Variants in MBD5 observed in about 807,000 individuals in gnomAD.
The protein encoded by MBD5 is methyl-CpG binding domain protein 5, also known as methyl-CpG-binding domain protein 5.
MBD5 carries 13 observed loss-of-function variants against 117.3 expected under a neutral mutation model. The observed-to-expected ratio is 0.11, with a 90% CI of 0.07 to 0.18. The LOEUF (loss-of-function observed/expected upper bound fraction) is 0.18, where lower values mean the gene tolerates loss of function less well. Ranked by LOEUF, MBD5 falls within the 10% of genes least tolerant of loss-of-function variation. The probability of loss-of-function intolerance (pLI) is 1.00; values close to 1 mark genes in which losing one functional copy is unlikely to be tolerated. For synonymous variants in MBD5, 727 were observed against 766.4 expected (o/e 0.95, Z 0.85); for missense variants, 1,879 against 2,093.8 (o/e 0.90, Z 2.00).
At chr2:148,047,182 A>G (rs1694556542) in intron 1 of MBD5, among the ~76,000 whole-genome samples, 1 of 152,180 alleles carries the variant, frequency 6.6e-6, no homozygotes, top group African/African-American at 2.4e-5. Flanking sequence ...CTTCTTAGTT[A>G]ATGATGCACT....
Position 148,447,178 on chromosome 2 carries a change from GGAAAGAAAGAAAGAAA to G in MBD5, c.-556-10983_-556-10968del, listed in dbSNP as rs70995316. ...AGGAAAGAAAGGAAGAAAGGAAGAAGGAAAGAAAGAAAGAAAGAAAGAAAGAAAGAAAGAAAGAAAG... is the reference window on the plus strand; with the variant it reads ...AGGAAAGAAAGGAAGAAAGGAAGAAGGAAAGAAAGAAAGAAAGAAAGAAAG... On this transcript the variant is annotated intron_variant, in intron 4 of 13. Transcript: ENST00000642680. Among the ~76,000 whole-genome samples, 429 of 137,748 alleles carry G rather than the reference GGAAAGAAAGAAAGAAA, an allele frequency of 3.1e-3. 2 individuals are homozygous for G. The highest frequency in any genetic ancestry group is 0.012 in the African/African-American group (401 of 34,166). The allele number at this position is 137,748 out of a possible 152,430, so 90.4% of individuals were successfully genotyped here.
chr2:148,334,121 C>T (rs1427297082), intron 3 of MBD5, among the ~76,000 whole-genome samples: 1 of 152,064 alleles, frequency 6.6e-6, no homozygotes, highest in African/African-American at 2.4e-5. Context: ...TTCATAGTCT[C>T]ATCTTTATCT....
chr2:148,162,881 A>G (rs947426131), intron 1 of MBD5, among the ~76,000 whole-genome samples: 1 of 152,246 alleles, frequency 6.6e-6, no homozygotes, highest in South Asian at 2.1e-4. Flanking sequence ...TGGCAAATAA[A>G]TAAGATCCTA....
At chr2:148,166,270 G>A (rs1161365233) in intron 1 of MBD5, among the ~76,000 whole-genome samples, 1 of 151,976 alleles carries the variant, frequency 6.6e-6, no homozygotes, top group East Asian at 1.9e-4. Flanking sequence ...TTGCTTATGA[G>A]GGTTTTATTT....
intron 4 of MBD5, among the ~76,000 whole-genome samples, chr2:148,435,418 T>C (rs1706125774): frequency 6.6e-6 from 1 of 152,172 alleles, no homozygotes; most frequent in Non-Finnish European, 1.5e-5. Flanking sequence ...TTGAGGGACC[T>C]CTTATAAGGC....
intron 1 of MBD5, among the ~76,000 whole-genome samples, chr2:148,099,548 G>A (rs921317875): frequency 3.9e-5 from 6 of 152,118 alleles, no homozygotes; most frequent in Non-Finnish European, 7.4e-5. Flanking sequence ...GTTATCATGA[G>A]GTTCTACAGA....
intron 4 of MBD5, among the ~76,000 whole-genome samples, chr2:148,365,046 C>T (rs1475209698): frequency 1.3e-5 from 2 of 152,192 alleles, no homozygotes; most frequent in African/African-American, 4.8e-5. Flanking sequence ...TTCTTCTCAG[C>T]ACCACATCAC....
intron 1 of MBD5, among the ~76,000 whole-genome samples, chr2:148,033,771 T>C (rs556640121): frequency 2.4e-4 from 37 of 152,306 alleles, no homozygotes; most frequent in African/African-American, 8.7e-4. Context: ...CAGGTGATCT[T>C]GAACTTAATT....
At chr2:148,445,913 G>T (rs112789807) in intron 4 of MBD5, among the ~76,000 whole-genome samples, 1 of 151,412 alleles carries the variant, frequency 6.6e-6, no homozygotes, top group Non-Finnish European at 1.5e-5. Flanking sequence ...TCATGTGTCT[G>T]TTGGCTGCAT....
chr2:148,345,544 T>C (rs1314032661), intron 4 of MBD5, among the ~76,000 whole-genome samples: 1 of 90,430 alleles, frequency 1.1e-5, no homozygotes, highest in Non-Finnish European at 2.2e-5. Flanking sequence ...TATACACATA[T>C]ACACATACAT....
intron 1 of MBD5, among the ~76,000 whole-genome samples, chr2:148,164,120 T>A (rs745514602): frequency 2.1e-4 from 32 of 152,218 alleles, no homozygotes; most frequent in Admixed American, 3.9e-4. Flanking sequence ...ACTAGGTAGC[T>A]AGTAAGAACT....
At chr2:148,215,734 G>A (rs987121169) in intron 2 of MBD5, among the ~76,000 whole-genome samples, 1 of 141,728 alleles carries the variant, frequency 7.1e-6, no homozygotes. Flanking sequence ...TTGCTATATC[G>A]CTGATCTCAA....
intron 2 of MBD5, among the ~76,000 whole-genome samples, chr2:148,188,367 A>G (rs1698720492): frequency 6.6e-6 from 1 of 152,174 alleles, no homozygotes; most frequent in Admixed American, 6.5e-5. Context: ...TATAGCTGAT[A>G]AATCAATAGA....
At position 148,033,045 on chromosome 2, in the gene MBD5, G is replaced by T. The variant is rs1273101580; in HGVS notation, c.-925+11361G>T. 2.0e-5 allele frequency among the ~76,000 whole-genome samples: 3 copies of T among 151,956 alleles called. No individual in the cohort carries two copies. In the East Asian group the frequency reaches 5.8e-4, roughly 29 times the overall value. On this transcript the variant is annotated intron_variant, in intron 1 of 13. Transcript: ENST00000642680. The stretch of plus-strand genomic sequence containing the variant: ...AGAGATTCTAACAAATGATGGTGAG[G>T]GACACATTCAGCTGGACAGCTTAGA...
intron 4 of MBD5, among the ~76,000 whole-genome samples, chr2:148,410,111 A>C (rs1348652390): frequency 1.3e-5 from 2 of 152,176 alleles, no homozygotes; most frequent in African/African-American, 4.8e-5. Flanking sequence ...CTTGTAGATA[A>C]TGATACATTA....
At chr2:148,311,715 T>A (rs541723954) in intron 3 of MBD5, among the ~76,000 whole-genome samples, 1 of 152,292 alleles carries the variant, frequency 6.6e-6, no homozygotes, top group African/African-American at 2.4e-5. Context: ...TTATTTTGCC[T>A]GTTAGTTGAT....
chr2:148,219,677 C>T (rs1053261419), intron 2 of MBD5, among the ~76,000 whole-genome samples: 2 of 152,122 alleles, frequency 1.3e-5, no homozygotes, highest in Non-Finnish European at 2.9e-5. Context: ...GTAACTGTAA[C>T]ATAAAATACA....
At chr2:148,107,568 C>T (rs1366404261) in intron 1 of MBD5, among the ~76,000 whole-genome samples, 1 of 151,774 alleles carries the variant, frequency 6.6e-6, no homozygotes, top group Non-Finnish European at 1.5e-5. Flanking sequence ...TTTATTTCTC[C>T]TTTCCAGTTT....
intron 3 of MBD5, among the ~76,000 whole-genome samples, chr2:148,241,949 G>T (rs1445057959): frequency 6.6e-6 from 1 of 152,078 alleles, no homozygotes; most frequent in East Asian, 1.9e-4. Context: ...ACTTGAATTG[G>T]AATTACTGGG....
Sources: gnomAD v4.1 joint callset for allele counts (sites outside exome capture counted in the v4.1 genomes callset) on GRCh38, gnomAD v4.1.1 for gene constraint, MANE v1.5 for transcripts, NCBI Gene and HGNC (gene_info 2026-07-23, HGNC 2026-07-21) for gene names.